Variants in RPS4X observed in about 807,000 individuals in gnomAD.
RPS4X encodes the protein ribosomal protein S4 X-linked, also known as small ribosomal subunit protein eS4, X isoform.
For missense variants in RPS4X, 90 were observed against 219.1 expected, an observed-to-expected ratio of 0.41 and a Z score of 3.72; for synonymous variants, 76 against 76.8, an observed-to-expected ratio of 0.99 and a Z score of 0.06.
At position 72,275,126 on chromosome X, in the gene RPS4X, C is replaced by T. The variant is rs1465279498; in HGVS notation, c.287G>A (p.Gly96Glu). 1 of 1,203,582 alleles carries T rather than the reference C, an allele frequency of 8.3e-7. No individual in the cohort carries two copies. The highest frequency in any genetic ancestry group is 2.2e-5 in the Admixed American group (1 of 45,891). ...FMDVISIDKT[G>E]ENFRLIYDTK... is the part of the protein sequence containing the mutation. Reference sequence around the variant, plus strand: ...GTCATAGATCAGACGGAAATTCTCTCCCGTCTTGTCAATGCTGATGACATC... The same window carrying T: ...GTCATAGATCAGACGGAAATTCTCTTCCGTCTTGTCAATGCTGATGACATC... The change falls in exon 4 of 7, where the codon GGA (glycine) becomes GAA (glutamate). Residue 96 changes from glycine (G) to glutamate (E), a missense_variant. Physicochemically the swap from Gly to Glu is moderately conservative, Grantham distance 98. Coordinates refer to ENST00000316084, the MANE Select transcript of RPS4X (RefSeq NM_001007.5).
At chrX:72,274,122 C>A in intron 4 of RPS4X, 150 bp from the exon 5 acceptor site, 3 of 504,707 alleles carry the variant, frequency 5.9e-6, no homozygotes, top group Non-Finnish European at 6.8e-6. Flanking sequence ...TAAAGCCCTT[C>A]TCTAGGCTCG....
chrX:72,275,334 T>A (rs1056779813), intron 3 of RPS4X, among the ~76,000 whole-genome samples, 184 bp from the exon 4 acceptor site: 2 of 112,117 alleles, frequency 1.8e-5, no homozygotes, highest in African/African-American at 6.5e-5. Flanking sequence ...CATGACTGCA[T>A]GTAAAATTTA....
In RPS4X at chrX:72,275,914, C is replaced by A. The variant is rs1287586063; in HGVS notation, c.82-190G>T. 2.7e-5 allele frequency among the ~76,000 whole-genome samples: 3 copies of A among 111,504 alleles called. No homozygotes were observed. In the Admixed American group the frequency reaches 2.9e-4, roughly 11 times the overall value. ...TAAAGTTTTATAGCATCTTCCCTGT[C>A]AGAGGACCAGGATCATTAAGAACAT... On this transcript the variant is annotated intron_variant, in intron 2 of 6. Coordinates refer to ENST00000316084, the MANE Select transcript of RPS4X (RefSeq NM_001007.5).
chrX:72,276,425 CCTT>C (rs776859493), intron 1 of RPS4X, among the ~76,000 whole-genome samples, 191 bp from the exon 2 acceptor site: 2 of 112,361 alleles, frequency 1.8e-5, no homozygotes, highest in East Asian at 2.8e-4. Context: ...CTGCAACAAG[CCTT>C]CTTATTGTAA....
Position 72,275,574 on chromosome X carries a change from T to C in RPS4X, c.232A>G (p.Thr78Ala). 1 of 1,210,714 alleles carries C rather than the reference T, an allele frequency of 8.3e-7. No homozygotes were observed. Among genetic ancestry groups the C allele is most frequent in the Non-Finnish European group, 1.1e-6 (1 of 894,926 alleles). The change falls in exon 3 of 7, where the codon ACT becomes GCT. Residue 78 changes from threonine to alanine, a missense_variant. Thr to Ala is a moderately conservative substitution (Grantham distance 58, BLOSUM62 0). Coordinates refer to ENST00000316084, the MANE Select transcript of RPS4X (RefSeq NM_001007.5). ...AATCCAGCAGGGTAGGTTATATCAG[T>C]TCGGACCTTGCCATCGATTTTAATG... ...RFIKIDGKVR[T>A]DITYPAGFMD... is the part of the protein sequence containing the mutation.
At chrX:72,276,354 T>C (rs1330835924) in intron 1 of RPS4X, 120 bp from the exon 2 acceptor site, 9 of 490,371 alleles carry the variant, frequency 1.8e-5, no homozygotes, top group Admixed American at 4.0e-5. Context: ...TATTAAAGTA[T>C]AGTGTTCCGA....
rs373357091 is a variant in RPS4X at position 72,276,254 on chromosome X, A to G, written c.4-20T>C. On this transcript the variant is annotated intron_variant, in intron 1 of 6. Coordinates refer to ENST00000316084, the MANE Select transcript of RPS4X (RefSeq NM_001007.5). ...ACGAGCCTGAAAGTTTTAGATTGCA[A>G]TGCTGTTAATCAGGTTTCAGAACAG... 2.3e-5 allele frequency: 27 copies of G among 1,166,517 alleles called. No homozygotes were observed. In the African/African-American group the frequency reaches 2.8e-4, roughly 12 times the overall value.
chrX:72,277,237 C>T lies in RPS4X; in HGVS notation c.-42G>A, dbSNP rs748712344. 1.5e-5 allele frequency: 18 copies of T among 1,203,490 alleles called. No homozygotes were observed. The highest frequency in any genetic ancestry group is 1.9e-5 in the Non-Finnish European group (17 of 890,594). Reference sequence around the variant, plus strand: ...GAAAGAGGACCTCCGTCTTCCGGTGCGCGTAGAAATTGGGGCTGGAGACTG... The same window carrying T: ...GAAAGAGGACCTCCGTCTTCCGGTGTGCGTAGAAATTGGGGCTGGAGACTG... On this transcript the variant is annotated 5_prime_UTR_variant, in exon 1 of 7. Coordinates refer to ENST00000316084, the MANE Select transcript of RPS4X (RefSeq NM_001007.5).
rs371711315 is a variant in RPS4X at position 72,277,174 on chromosome X, C to G, written c.3+19G>C. The G allele has an allele frequency of 2.5e-6, 3 of 1,210,666 alleles. No homozygotes were observed. The highest frequency in any genetic ancestry group is 1.8e-5 in the South Asian group (1 of 56,721). Reference sequence around the variant, plus strand: ...TGGAGGCGGATACGTCCTAAGAGCTCGCTAACTAAACGGCTTACCATGGCT... The same window carrying G: ...TGGAGGCGGATACGTCCTAAGAGCTGGCTAACTAAACGGCTTACCATGGCT... On this transcript the variant is annotated intron_variant, in intron 1 of 6. Coordinates refer to ENST00000316084, the MANE Select transcript of RPS4X (RefSeq NM_001007.5).
At chrX:72,275,921 C>T (rs1359415093) in intron 2 of RPS4X, among the ~76,000 whole-genome samples, 197 bp from the exon 3 acceptor site, 1 of 111,450 alleles carries the variant, frequency 9.0e-6, no homozygotes, top group Admixed American at 9.6e-5. Context: ...TGTCAGAGGA[C>T]CAGGATCATT....
In RPS4X at chrX:72,273,921, G is replaced by A. The variant is rs1804395; in HGVS notation, c.412C>T (p.His138Tyr). Reference sequence around the variant, plus strand: ...GTGCGGGCATCATGAGTCACCAGATGAGGGATTCCTTTTGTGCCCACAAAG... The same window carrying A: ...GTGCGGGCATCATGAGTCACCAGATAAGGGATTCCTTTTGTGCCCACAAAG... ...KIFVGTKGIP[H>Y]LVTHDARTIR... The change falls in exon 5 of 7, where the codon CAT (histidine) becomes TAT (tyrosine). Residue 138 changes from histidine (H) to tyrosine (Y), a missense_variant. Coordinates refer to ENST00000316084, the MANE Select transcript of RPS4X (RefSeq NM_001007.5). The A allele has an allele frequency of 8.3e-7, 1 of 1,208,154 alleles. No individual in the cohort carries two copies. The highest frequency in any genetic ancestry group is 2.2e-5 in the Admixed American group (1 of 45,506).
rs1400868647 is a variant in RPS4X, at chrX:72,272,785, A to G, written c.691-13T>C. On this transcript the variant is annotated splice_polypyrimidine_tract_variant and intron_variant, in intron 6 of 6. Coordinates refer to ENST00000316084, the MANE Select transcript of RPS4X (RefSeq NM_001007.5). Reference sequence around the variant, plus strand: ...ATGGTTTGTTGCCCTGGAAGAGAAAACAAGCAGAATCAAAACCCACCACAC... The same window carrying G: ...ATGGTTTGTTGCCCTGGAAGAGAAAGCAAGCAGAATCAAAACCCACCACAC... 2.6e-6 allele frequency: 3 copies of G among 1,155,562 alleles called. No homozygotes were observed. The highest frequency in any genetic ancestry group is 2.4e-6 in the Non-Finnish European group (2 of 847,827).
rs775142155 is a variant in RPS4X, at chrX:72,273,522, G to T, written c.533-133C>A. On this transcript the variant is annotated intron_variant, in intron 5 of 6. Transcript: ENST00000316084. ...TCATATGGAACTGCTGCCTATGCTA[G>T]GACTCCCGGGACTCTCGTAAGAAAT... 5.4e-5 allele frequency: 36 copies of T among 671,335 alleles called. No individual in the cohort carries two copies. The African/African-American group carries it at 6.5e-4, about 12-fold the overall frequency. 55.3% of individuals were successfully genotyped at this position (671,335 alleles called of 1,213,427 possible).
chrX:72,276,037 A>C, intron 2 of RPS4X, 120 bp downstream of exon 2: 1 of 563,531 alleles, frequency 1.8e-6, no homozygotes, highest in Non-Finnish European at 3.0e-6. Context: ...TAGATAGTAT[A>C]GCTCCTTCAA....
intron 5 of RPS4X, among the ~76,000 whole-genome samples, 199 bp from the exon 6 acceptor site, chrX:72,273,588 G>A (rs903944115): frequency 2.7e-5 from 3 of 111,577 alleles, no homozygotes; most frequent in African/African-American, 9.8e-5. Context: ...TAATCAGTTC[G>A]AGAACAGTCT....
At position 72,272,501 on chromosome X, in the gene RPS4X, A is replaced by G; in HGVS notation, c.*170T>C. 5.2e-6 allele frequency: 2 copies of G among 383,460 alleles called. No homozygotes were observed. 31.6% of individuals were successfully genotyped at this position (383,460 alleles called of 1,213,427 possible). A position where few individuals can be genotyped will look rare whatever the true frequency, so the allele number is the denominator to read the frequency against. On this transcript the variant is annotated 3_prime_UTR_variant, in exon 7 of 7. Coordinates refer to ENST00000316084, the MANE Select transcript of RPS4X (RefSeq NM_001007.5). ...CACCACTAACTAAGCCCAGCCAATA[A>G]CAGACTGCCTAAGCCTGCCTGAGAA...
intron 3 of RPS4X, 121 bp from the exon 4 acceptor site, chrX:72,275,271 C>A: frequency 2.0e-6 from 1 of 488,115 alleles, no homozygotes; most frequent in Non-Finnish European, 3.5e-6. Flanking sequence ...TCTAATCCAA[C>A]AAGGATTCTG....
At chrX:72,274,549 A>C (rs2043194074) in intron 4 of RPS4X, 1 of 317,150 alleles carries the variant, frequency 3.2e-6, no homozygotes, top group Non-Finnish European at 6.3e-6. Context: ...AAACTGGATT[A>C]AATAATCAAA....
At chrX:72,275,852 A>G in intron 2 of RPS4X, 128 bp from the exon 3 acceptor site, 1 of 560,563 alleles carries the variant, frequency 1.8e-6, no homozygotes, top group Non-Finnish European at 2.9e-6. Flanking sequence ...ACTTTTACAC[A>G]GGAGGTGTAA....
Sources: allele counts gnomAD v4.1 joint callset (sites outside exome capture counted in the v4.1 genomes callset), GRCh38; gene constraint gnomAD v4.1.1; transcripts MANE v1.5; gene names NCBI Gene and HGNC (gene_info 2026-07-23, HGNC 2026-07-21).